The following WDR41 variants were observed in gnomAD, a reference collection of about 807,000 sequenced individuals.
WDR41 encodes the protein WD repeat-containing protein 41.
Under a neutral mutation model 69.3 loss-of-function variants are expected in WDR41, and 63 were observed. That is an observed-to-expected ratio of 0.91 (90% CI 0.74 to 1.12). The LOEUF is 1.12. WDR41 is among the 50% of genes most tolerant of loss of function. The pLI, the probability that WDR41 is intolerant of heterozygous loss-of-function variation, is 0.00. For synonymous variants in WDR41, 185 were observed against 192.1 expected, an observed-to-expected ratio of 0.96 and a Z score of 0.31; for missense variants, 543 against 534.5, an observed-to-expected ratio of 1.02 and a Z score of -0.16.
intron 2 of WDR41, among the ~76,000 whole-genome samples, chr5:77,469,189 G>T (rs896587472): frequency 6.6e-6 from 1 of 151,908 alleles, no homozygotes; most frequent in South Asian, 2.1e-4. Context: ...GGGAACTGAA[G>T]AATGAGAACA....
intron 8 of WDR41, among the ~76,000 whole-genome samples, chr5:77,449,010 C>A (rs997851874): frequency 6.6e-6 from 1 of 152,152 alleles, no homozygotes; most frequent in African/African-American, 2.4e-5. Flanking sequence ...CTGCAGGCTC[C>A]ACCAGACTAT....
intron 6 of WDR41, among the ~76,000 whole-genome samples, chr5:77,453,616 G>A (rs1351201367): frequency 6.6e-6 from 1 of 152,156 alleles, no homozygotes; most frequent in Non-Finnish European, 1.5e-5. Context: ...GTTCCTGAGT[G>A]GAGTCTTCTC....
At chr5:77,440,742 A>G in intron 9 of WDR41, 71 bp downstream of exon 9, 1 of 1,462,762 alleles carries the variant, frequency 6.8e-7, no homozygotes, top group Non-Finnish European at 9.4e-7. Flanking sequence ...ACATGGGATT[A>G]AATTTTTAAA....
chr5:77,493,669 A>G (rs1801891535), upstream of WDR41, among the ~76,000 whole-genome samples: 2 of 152,232 alleles, frequency 1.3e-5, no homozygotes, highest in Admixed American at 6.5e-5. Flanking sequence ...GACAGACCAA[A>G]ACAGAGACTA....
chr5:77,517,376 GAAAAACAAAAAC>G lies in WDR41; in HGVS notation c.43-27816_43-27805del, dbSNP rs531425616. Among the ~76,000 whole-genome samples, 537 of 151,844 alleles carry G rather than the reference GAAAAACAAAAAC, an allele frequency of 3.5e-3. 4 individuals carry two copies. The highest frequency in any genetic ancestry group is 0.013 in the African/African-American group (520 of 41,436). ...CAGATGCTATAGTGACTAGCTGATG[GAAAAACAAAAAC>G]AAAAACAAAAACAAAAAAAACAGAT... On this transcript the variant is annotated intron_variant, in intron 1 of 5. Coordinates refer to the WDR41 transcript ENST00000509971.
chr5:77,482,757 A>T (rs1479258513), intron 2 of WDR41, among the ~76,000 whole-genome samples: 1 of 152,038 alleles, frequency 6.6e-6, no homozygotes, highest in African/African-American at 2.4e-5. Context: ...TTCAGAGCAC[A>T]TAACCCCAAA....
intron 1 of WDR41, among the ~76,000 whole-genome samples, chr5:77,536,752 G>A: frequency 6.6e-6 from 1 of 152,136 alleles, no homozygotes; most frequent in East Asian, 1.9e-4. Context: ...GCAATAGGCT[G>A]TACCGTGTAG....
At chr5:77,608,082 C>T (rs1156891012) in intron 1 of WDR41, among the ~76,000 whole-genome samples, 1 of 152,152 alleles carries the variant, frequency 6.6e-6, no homozygotes, top group Non-Finnish European at 1.5e-5. Context: ...TCCCGATTCT[C>T]CCCCTACAAA....
chr5:77,456,255 C>CA (rs1313504707), intron 5 of WDR41, among the ~76,000 whole-genome samples: 9 of 152,278 alleles, frequency 5.9e-5, no homozygotes, highest in Non-Finnish European at 1.0e-4. Context: ...GCAATCCTCC[C>CA]ACCTTGGCCT....
chr5:77,599,976 T>C (rs1471383486), intron 1 of WDR41, among the ~76,000 whole-genome samples: 1 of 152,226 alleles, frequency 6.6e-6, no homozygotes, highest in Non-Finnish European at 1.5e-5. Context: ...GTTTTGTGGT[T>C]ATGGTCACAT....
At chr5:77,524,227 T>C (rs1324105135) in intron 1 of WDR41, among the ~76,000 whole-genome samples, 1 of 152,200 alleles carries the variant, frequency 6.6e-6, no homozygotes, top group East Asian at 1.9e-4. Flanking sequence ...TCTTTTATTA[T>C]TACATTGGGA....
At chr5:77,558,135 G>A (rs1214146146) in intron 1 of WDR41, among the ~76,000 whole-genome samples, 3 of 144,856 alleles carry the variant, frequency 2.1e-5, no homozygotes, top group African/African-American at 7.7e-5. Context: ...GAGTAGGTAT[G>A]TAGGTAATCG....
At position 77,432,848 on chromosome 5, in the gene WDR41, T is replaced by TC; in HGVS notation, c.*286dup. The TC allele has an allele frequency of 3.9e-6, 1 of 258,550 alleles. No homozygotes were observed. 16.0% of individuals were successfully genotyped at this position (258,550 alleles called of 1,614,324 possible). The stretch of plus-strand genomic sequence containing the variant: ...TAACTATTACCTCTATTTGTACCTT[T>TC]CACAAGGATCTAGGTTCAAAATAAG... On this transcript the variant is annotated 3_prime_UTR_variant, in exon 13 of 13. Coordinates refer to ENST00000296679, the MANE Select transcript of WDR41 (RefSeq NM_018268.4).
At chr5:77,445,334 A>G (rs1274812215) in intron 8 of WDR41, among the ~76,000 whole-genome samples, 3 of 152,208 alleles carry the variant, frequency 2.0e-5, no homozygotes, top group African/African-American at 7.2e-5. Flanking sequence ...TTCACAGCTG[A>G]ATTCTACCAG....
intron 1 of WDR41, among the ~76,000 whole-genome samples, chr5:77,569,838 G>C (rs1194427197): frequency 6.6e-6 from 1 of 152,166 alleles, no homozygotes; most frequent in African/African-American, 2.4e-5. Context: ...GTTGTAGCTA[G>C]TTTGTTATCA....
chr5:77,436,588 A>G (rs905469480), intron 11 of WDR41, among the ~76,000 whole-genome samples, 194 bp from the exon 12 acceptor site: 13 of 152,210 alleles, frequency 8.5e-5, no homozygotes, highest in African/African-American at 2.2e-4. Flanking sequence ...TCTGTTCTTC[A>G]TCTCTTTTTA....
rs764631325 is a variant in WDR41 at position 77,512,331 on chromosome 5, T to TGAGAGAGAGAGAGAGAGAGAGAGAGA, written c.43-22760_43-22759insTCTCTCTCTCTCTCTCTCTCTCTCTC. ...ATGGTCTGTAATTACATGGGGTGAG[T>TGAGAGAGAGAGAGAGAGAGAGAGAGA]GAGAGAGAGAGAGAGAGAGAGTGAG... On this transcript the variant is annotated intron_variant, in intron 1 of 5. Transcript: ENST00000509971. 5.2e-4 allele frequency among the ~76,000 whole-genome samples: 46 copies of TGAGAGAGAGAGAGAGAGAGAGAGAGA among 87,914 alleles called. 1 individual carries two copies. The highest frequency in any genetic ancestry group is 2.1e-3 in the African/African-American group (41 of 19,278). The allele number at this position is 87,914 out of a possible 152,430, so 57.7% of individuals were successfully genotyped here. A position where few individuals can be genotyped will look rare whatever the true frequency, so the allele number is the denominator to read the frequency against.
chr5:77,572,213 G>T (rs1208458140), intron 1 of WDR41, among the ~76,000 whole-genome samples: 1 of 152,182 alleles, frequency 6.6e-6, no homozygotes, highest in Non-Finnish European at 1.5e-5. Flanking sequence ...CACATCCATT[G>T]TATGATACAC....
chr5:77,563,211 G>T (rs1430330444), intron 1 of WDR41, among the ~76,000 whole-genome samples: 1 of 151,952 alleles, frequency 6.6e-6, no homozygotes, highest in African/African-American at 2.4e-5. Flanking sequence ...TTAATATCTG[G>T]CTGACTTCCT....
Sources: allele counts gnomAD v4.1 joint callset (sites outside exome capture counted in the v4.1 genomes callset), GRCh38; gene constraint gnomAD v4.1.1; transcripts MANE v1.5; gene names NCBI Gene and HGNC (gene_info 2026-07-23, HGNC 2026-07-21).